The following MBNL2 variants were observed in gnomAD, a reference collection of about 807,000 sequenced individuals.
The protein encoded by MBNL2 is muscleblind like splicing regulator 2, also known as muscleblind-like protein 2.
MBNL2 carries 17 observed loss-of-function variants against 41.9 expected under a neutral mutation model. The observed-to-expected ratio is 0.41, with a 90% CI of 0.28 to 0.61. MBNL2 has a LOEUF of 0.61. Among genes scored for constraint, MBNL2 ranks in the 20% least tolerant of loss-of-function variants. MBNL2 has a pLI of 0.35. For missense variants in MBNL2, 336 were observed against 505.6 expected, an observed-to-expected ratio of 0.66 and a Z score of 3.22; for synonymous variants, 195 against 182.9, an observed-to-expected ratio of 1.07 and a Z score of -0.53.
At chr13:97,335,236 T>C (rs2060778408) in intron 3 of MBNL2, among the ~76,000 whole-genome samples, 1 of 152,238 alleles carries the variant, frequency 6.6e-6, no homozygotes, top group Non-Finnish European at 1.5e-5. Context: ...GTGCATTTAA[T>C]TTTAGTAGGT....
In MBNL2 at chr13:97,276,525, TTGTG is replaced by T. The variant is rs532726254; in HGVS notation, c.174+117_174+120del. 8.5e-5 allele frequency: 85 copies of T among 999,062 alleles called. 1 individual carries two copies. The highest frequency in any genetic ancestry group is 3.1e-4 in the Admixed American group (14 of 45,526). 61.9% of individuals were successfully genotyped at this position (999,062 alleles called of 1,614,324 possible). ...TTGCTTTTAGATTCTATTTTCTTGT[TTGTG>T]GTGACTGTTGGGAGATTTTTCACTC... On this transcript the variant is annotated intron_variant, in intron 2 of 8. Coordinates refer to ENST00000679496, the MANE Select transcript of MBNL2 (RefSeq NM_001382683.1).
Position 97,357,654 on chromosome 13 carries a change from C to G in MBNL2, c.1012+19C>G. 1 of 1,611,978 alleles carries G rather than the reference C, an allele frequency of 6.2e-7. No homozygotes were observed. Among genetic ancestry groups the G allele is most frequent in the Non-Finnish European group, 8.5e-7 (1 of 1,178,816 alleles). On this transcript the variant is annotated intron_variant, in intron 7 of 8. Coordinates refer to ENST00000679496, the MANE Select transcript of MBNL2 (RefSeq NM_001382683.1). ...CCAACAGGTATGTGCCCTTACTGCC[C>G]TACGTCCTGTGCCCTTCTGGTCATG...
chr13:97,348,359 C>T (rs1031451152), intron 5 of MBNL2, among the ~76,000 whole-genome samples: 4 of 152,014 alleles, frequency 2.6e-5, no homozygotes, highest in African/African-American at 9.7e-5. Context: ...CCATACCTGG[C>T]GACAGTGGCA....
At chr13:97,387,019 TG>T (rs1350466215) in intron 8 of MBNL2, among the ~76,000 whole-genome samples, 1 of 151,844 alleles carries the variant, frequency 6.6e-6, no homozygotes, top group East Asian at 1.9e-4. Flanking sequence ...TTCCTATTTT[TG>T]TCTGTTCTCC....
At chr13:97,251,309 C>CA (rs1199128090) in intron 1 of MBNL2, among the ~76,000 whole-genome samples, 1 of 151,772 alleles carries the variant, frequency 6.6e-6, no homozygotes, top group African/African-American at 2.4e-5. Context: ...GATGGCTACC[C>CA]AATTTACCCT....
At chr13:97,386,110 T>C (rs1276634161) in intron 8 of MBNL2, among the ~76,000 whole-genome samples, 1 of 152,250 alleles carries the variant, frequency 6.6e-6, no homozygotes, top group Non-Finnish European at 1.5e-5. Context: ...ACATACTCTC[T>C]TTCTTTGGGC....
rs755099907 is a variant in MBNL2, at chr13:97,346,745, C to G, written c.541-59C>G. 6.6e-7 allele frequency: 1 copy of G among 1,520,296 alleles called. No homozygotes were observed. The highest frequency in any genetic ancestry group is 9.0e-7 in the Non-Finnish European group (1 of 1,111,546). The allele number at this position is 1,520,296 out of a possible 1,614,324, so 94.2% of individuals were successfully genotyped here. On this transcript the variant is annotated intron_variant, in intron 4 of 8. Transcript: ENST00000679496. The surrounding 1 kb of genome is among the most constrained non-coding windows in gnomAD (Gnocchi z 4.2). ...CCGCTCCTCCCGCGGTGGCCGGGGCCGCAGGGGCGCCTGGGCTCAGGCTTG... is the reference window on the plus strand; with the variant it reads ...CCGCTCCTCCCGCGGTGGCCGGGGCGGCAGGGGCGCCTGGGCTCAGGCTTG...
At position 97,357,468 on chromosome 13, in the gene MBNL2, T is replaced by A; in HGVS notation, c.859-14T>A. On this transcript the variant is annotated splice_polypyrimidine_tract_variant and intron_variant, in intron 6 of 8. Coordinates refer to ENST00000679496, the MANE Select transcript of MBNL2 (RefSeq NM_001382683.1). ...TTTAAGTTAGACATATCTTATCGAA[T>A]TCTTCATTTCTAGGCCTTTCCCCCT... 1 of 1,612,260 alleles carries A rather than the reference T, an allele frequency of 6.2e-7. No individual in the cohort carries two copies. Among genetic ancestry groups the A allele is most frequent in the African/African-American group, 1.3e-5 (1 of 74,976 alleles).
chr13:97,247,917 G>C (rs930090321), intron 1 of MBNL2, among the ~76,000 whole-genome samples: 1 of 152,090 alleles, frequency 6.6e-6, no homozygotes, highest in Admixed American at 6.5e-5. Context: ...GTCTCAAAGC[G>C]TATACGACAA....
At chr13:97,282,379 A>C (rs1027100386) in intron 2 of MBNL2, among the ~76,000 whole-genome samples, 8 of 152,092 alleles carry the variant, frequency 5.3e-5, no homozygotes, top group African/African-American at 1.9e-4. Flanking sequence ...TAAATAAAAA[A>C]CCATTGTAAA....
At chr13:97,164,581 G>C in the MBNL2 span, among the ~76,000 whole-genome samples, 1 of 151,952 alleles carries the variant, frequency 6.6e-6, no homozygotes, top group Non-Finnish European at 1.5e-5. Context: ...AGTGAAAATG[G>C]TACCATGTAA....
chr13:97,338,586 CT>C (rs1303830198), intron 3 of MBNL2, among the ~76,000 whole-genome samples: 2 of 152,214 alleles, frequency 1.3e-5, no homozygotes, highest in Non-Finnish European at 1.5e-5. Flanking sequence ...CTCCTAGCAG[CT>C]TTTCTCTCCC....
chr13:97,219,045 G>T (rs988636018), upstream of MBNL2, among the ~76,000 whole-genome samples: 8 of 152,062 alleles, frequency 5.3e-5, no homozygotes, highest in Non-Finnish European at 1.0e-4. Context: ...TAAACATTTT[G>T]GTGCTCAAAG....
At chr13:97,190,476 T>C in the MBNL2 span, among the ~76,000 whole-genome samples, 1 of 152,112 alleles carries the variant, frequency 6.6e-6, no homozygotes, top group Non-Finnish European at 1.5e-5. Flanking sequence ...GAATTATCTA[T>C]GCTAAGCCTT....
chr13:97,241,273 T>C (rs752821010), intron 1 of MBNL2, among the ~76,000 whole-genome samples: 6 of 151,828 alleles, frequency 4.0e-5, no homozygotes, highest in Non-Finnish European at 7.4e-5. Flanking sequence ...TTTCACAAGT[T>C]AGGTGTTTGC....
Position 97,366,824 on chromosome 13 carries a change from A to G in MBNL2, c.1048+1653A>G. ...AACCTGACAGGCTTAAATTCCTTTT[A>G]GTACAGCATTACCTATCCAGTGGTT... On this transcript the variant is annotated intron_variant, in intron 8 of 8. Coordinates refer to ENST00000679496, the MANE Select transcript of MBNL2 (RefSeq NM_001382683.1). This position sits in a 1 kb window ranked among gnomAD's most constrained non-coding sequence, Gnocchi z 4.7. 2.1e-6 allele frequency: 1 copy of G among 481,216 alleles called. No individual in the cohort carries two copies. The highest frequency in any genetic ancestry group is 3.8e-6 in the Non-Finnish European group (1 of 264,646). 29.8% of individuals were successfully genotyped at this position (481,216 alleles called of 1,614,324 possible).
At chr13:97,185,731 A>G in the MBNL2 span, among the ~76,000 whole-genome samples, 1 of 152,214 alleles carries the variant, frequency 6.6e-6, no homozygotes, top group Non-Finnish European at 1.5e-5. Context: ...ATTTCAGCAC[A>G]AAAGCACATT....
chr13:97,301,953 T>C (rs868593968), intron 2 of MBNL2, among the ~76,000 whole-genome samples: 4 of 152,230 alleles, frequency 2.6e-5, no homozygotes, highest in Non-Finnish European at 5.9e-5. Flanking sequence ...CTCAGATTTC[T>C]TCCGGTTGGA....
At chr13:97,147,259 G>T in the MBNL2 span, among the ~76,000 whole-genome samples, 1 of 152,170 alleles carries the variant, frequency 6.6e-6, no homozygotes. Flanking sequence ...GATACTTAGA[G>T]GAATGTTTTT....
Sources: allele counts gnomAD v4.1 joint callset (sites outside exome capture counted in the v4.1 genomes callset), GRCh38; gene constraint gnomAD v4.1.1; non-coding constraint Gnocchi (gnomAD v3.1); transcripts MANE v1.5; gene names NCBI Gene and HGNC (gene_info 2026-07-23, HGNC 2026-07-21).